MYO3A: variants seen among roughly 807,000 people sequenced by gnomAD.
MYO3A encodes myosin IIIA, also known as myosin-IIIa.
A neutral mutation model predicts 192.7 loss-of-function variants in MYO3A; 180 were observed. The observed-to-expected ratio is 0.93, with a 90% CI of 0.83 to 1.06. MYO3A has a LOEUF of 1.06. Ranked by LOEUF, MYO3A falls within the 50% of genes least tolerant of loss-of-function variation. The pLI is 0.00. For missense variants in MYO3A, 1,896 were observed against 1,905.0 expected (o/e 1.00, Z 0.09); for synonymous variants, 628 against 645.3 (o/e 0.97, Z 0.41).
In MYO3A at chr10:26,192,511, A is replaced by C. The variant is rs1843191677; in HGVS notation, c.4439-694A>C. 2.0e-5 allele frequency among the ~76,000 whole-genome samples: 3 copies of C among 152,058 alleles called. No individual in the cohort carries two copies. The South Asian group carries it at 6.2e-4, about 31-fold the overall frequency. Reference sequence around the variant, plus strand: ...ACAGAAGAGGTTCTGTGAGCATAACATTCCTTTTTAAGTTTTTTTTCTGGC... The same window carrying C: ...ACAGAAGAGGTTCTGTGAGCATAACCTTCCTTTTTAAGTTTTTTTTCTGGC... On this transcript the variant is annotated intron_variant, in intron 31 of 34. Transcript: ENST00000642920.
At chr10:26,081,167 A>G (rs1835931485) in intron 14 of MYO3A, among the ~76,000 whole-genome samples, 1 of 107,328 alleles carries the variant, frequency 9.3e-6, no homozygotes, top group African/African-American at 3.6e-5. Flanking sequence ...CAGGGTGGGT[A>G]GGGAAGGACC....
chr10:25,946,477 T>C (rs1171925568), intron 2 of MYO3A, among the ~76,000 whole-genome samples: 1 of 152,088 alleles, frequency 6.6e-6, no homozygotes, highest in Non-Finnish European at 1.5e-5. Context: ...GAGAGTCCCT[T>C]GTATGTGATA....
chr10:26,159,590 AG>A (rs2131952244), intron 26 of MYO3A, among the ~76,000 whole-genome samples: 1 of 151,886 alleles, frequency 6.6e-6, no homozygotes, highest in South Asian at 2.1e-4. Flanking sequence ...CATGTTAGCC[AG>A]GATGGTCTTG....
intron 4 of MYO3A, among the ~76,000 whole-genome samples, chr10:25,963,006 G>A (rs1305612356): frequency 6.6e-6 from 1 of 152,148 alleles, no homozygotes; most frequent in Non-Finnish European, 1.5e-5. Context: ...ACATCTTTCT[G>A]TTAAAAGACC....
At chr10:26,150,770 GT>G (rs1212987703) in intron 23 of MYO3A, among the ~76,000 whole-genome samples, 3 of 151,874 alleles carry the variant, frequency 2.0e-5, no homozygotes, top group Non-Finnish European at 4.4e-5. Context: ...GGTTTCATTG[GT>G]TTTTTTATTG....
chr10:26,109,607 C>A (rs1004840718), intron 17 of MYO3A, among the ~76,000 whole-genome samples: 1 of 152,180 alleles, frequency 6.6e-6, no homozygotes, highest in Non-Finnish European at 1.5e-5. Flanking sequence ...GGGAGGTATC[C>A]ACCATGGATT....
At chr10:26,208,988 A>T (rs760300195) in intron 34 of MYO3A, among the ~76,000 whole-genome samples, 1 of 152,194 alleles carries the variant, frequency 6.6e-6, no homozygotes, top group Non-Finnish European at 1.5e-5. Flanking sequence ...TTACTTTGCA[A>T]TATTACATTT....
intron 14 of MYO3A, among the ~76,000 whole-genome samples, chr10:26,073,219 G>C (rs781104397): frequency 6.6e-6 from 1 of 152,060 alleles, no homozygotes; most frequent in Non-Finnish European, 1.5e-5. Flanking sequence ...ACAAGACCCT[G>C]TCTCAAAAAA....
chr10:25,969,477 A>G (rs1838482386), intron 4 of MYO3A, among the ~76,000 whole-genome samples: 1 of 152,196 alleles, frequency 6.6e-6, no homozygotes, highest in South Asian at 2.1e-4. Context: ...ATACAATTAA[A>G]GTGTCTTATA....
chr10:26,150,659 T>C (rs1205604430), intron 23 of MYO3A, among the ~76,000 whole-genome samples: 1 of 152,230 alleles, frequency 6.6e-6, no homozygotes, highest in Non-Finnish European at 1.5e-5. Context: ...CCTGAAGTTA[T>C]GTCAGCTGTC....
At chr10:26,205,479 TG>T (rs766224587) in intron 34 of MYO3A, among the ~76,000 whole-genome samples, 23 of 133,360 alleles carry the variant, frequency 1.7e-4, no homozygotes, top group East Asian at 4.5e-4. Flanking sequence ...TTTTTTTTTT[TG>T]GGGGGGGGCT....
At chr10:26,205,478 T>G (rs61698461) in intron 34 of MYO3A, among the ~76,000 whole-genome samples, 19,832 of 127,680 alleles carry the variant, frequency 0.16, 1,856 homozygotes, top group East Asian at 0.26. Context: ...TTTTTTTTTT[T>G]TGGGGGGGGG....
chr10:25,974,090 T>A (rs1838827353), intron 4 of MYO3A, among the ~76,000 whole-genome samples: 1 of 151,952 alleles, frequency 6.6e-6, no homozygotes, highest in Non-Finnish European at 1.5e-5. Flanking sequence ...AATCGACAAA[T>A]GGGATCTAAT....
At chr10:26,075,442 A>T (rs534228108) in intron 14 of MYO3A, among the ~76,000 whole-genome samples, 1 of 151,164 alleles carries the variant, frequency 6.6e-6, no homozygotes, top group Non-Finnish European at 1.5e-5. Flanking sequence ...GTTCTTCCCC[A>T]CAAGTACCCA....
intron 23 of MYO3A, among the ~76,000 whole-genome samples, chr10:26,152,662 T>C (rs1421741741): frequency 6.6e-6 from 1 of 152,216 alleles, no homozygotes; most frequent in Non-Finnish European, 1.5e-5. Context: ...TAGTTCCCGT[T>C]GATCTACATA....
At position 26,170,510 on chromosome 10, in the gene MYO3A, C is replaced by A; in HGVS notation, c.3369C>A (p.Phe1123Leu). Residue 1123 changes from phenylalanine to leucine, a missense_variant, in exon 29 of 35, where the codon TTC becomes TTA. By Grantham distance (22) the Phe-to-Leu change is conservative (BLOSUM62 0). Transcript: ENST00000642920. ...VTTIQTSDQEFDYKKNFENTR... is the reference protein window; with the variant it reads ...VTTIQTSDQELDYKKNFENTR... ...CCATTCAAACTTCTGATCAGGAATTCGACTACAAGAAAAACTTTGAAAATA... is the reference window on the plus strand; with the variant it reads ...CCATTCAAACTTCTGATCAGGAATTAGACTACAAGAAAAACTTTGAAAATA... The A allele has an allele frequency of 6.2e-7, 1 of 1,612,526 alleles. No individual in the cohort carries two copies. The highest frequency in any genetic ancestry group is 1.1e-5 in the South Asian group (1 of 90,950).
intron 4 of MYO3A, among the ~76,000 whole-genome samples, chr10:25,982,052 CGGTGGG>C (rs1171196166): frequency 3.3e-5 from 5 of 152,074 alleles, no homozygotes; most frequent in South Asian, 2.1e-4. Flanking sequence ...TGATGGGGCA[CGGTGGG>C]AGTGAGACTG....
chr10:26,077,272 G>T lies in MYO3A; in HGVS notation c.1359+6871G>T, dbSNP rs557805729. On this transcript the variant is annotated intron_variant, in intron 14 of 34. Coordinates refer to ENST00000642920, the MANE Select transcript of MYO3A (RefSeq NM_017433.5). ...TTTTTTTTTGCAGCTGTTGTAAAAG[G>T]GGTTGAGTTTTTTGTTTGATTCTCC... 2.1e-4 allele frequency among the ~76,000 whole-genome samples: 19 copies of T among 91,588 alleles called. No individual in the cohort carries two copies. In the East Asian group the frequency reaches 3.9e-3, roughly 19 times the overall value. The allele number at this position is 91,588 out of a possible 152,430, so 60.1% of individuals were successfully genotyped here.
At chr10:25,992,518 T>C (rs199997609) in intron 4 of MYO3A, among the ~76,000 whole-genome samples, 1 of 144,396 alleles carries the variant, frequency 6.9e-6, no homozygotes, top group African/African-American at 2.6e-5. Flanking sequence ...TCTTGCCTGA[T>C]TGCCCTGGCC....
Sources: allele counts gnomAD v4.1 joint callset (sites outside exome capture counted in the v4.1 genomes callset), GRCh38; gene constraint gnomAD v4.1.1; transcripts MANE v1.5; gene names NCBI Gene and HGNC (gene_info 2026-07-23, HGNC 2026-07-21).